The following OSBPL6 variants were observed in gnomAD, a reference collection of about 807,000 sequenced individuals.
The protein encoded by OSBPL6 is oxysterol binding protein like 6, also known as oxysterol-binding protein-related protein 6.
In OSBPL6, 49 loss-of-function variants were observed where a neutral mutation model predicts 125.8. That is an observed-to-expected ratio of 0.39 (90% confidence interval 0.31 to 0.49). The LOEUF is 0.49. OSBPL6 is among the 20% of genes least tolerant of loss of function. The pLI is 0.88. For missense variants in OSBPL6, 986 were observed against 1,135.4 expected, an observed-to-expected ratio of 0.87 and a Z score of 1.89; for synonymous variants, 394 against 391.8, an observed-to-expected ratio of 1.01 and a Z score of -0.07.
chr2:178,328,454 A>G (rs999813976), intron 5 of OSBPL6, 76 bp downstream of exon 5: 1 of 1,554,158 alleles, frequency 6.4e-7, no homozygotes, highest in Admixed American at 2.0e-5. Flanking sequence ...ATGGGGTGGG[A>G]AACTAAGAAT....
chr2:178,242,659 G>T (rs1054379444), intron 1 of OSBPL6, among the ~76,000 whole-genome samples: 1 of 152,166 alleles, frequency 6.6e-6, no homozygotes, highest in Non-Finnish European at 1.5e-5. Context: ...TGAATTAAGA[G>T]TCCCTTATAA....
chr2:178,302,040 C>A (rs1434738208), intron 2 of OSBPL6, among the ~76,000 whole-genome samples: 2 of 152,164 alleles, frequency 1.3e-5, no homozygotes. Context: ...GGTCCCCAAT[C>A]TTAAGTGTTT....
chr2:178,342,430 CT>C (rs1382319753), intron 11 of OSBPL6, among the ~76,000 whole-genome samples: 1 of 152,040 alleles, frequency 6.6e-6, no homozygotes, highest in African/African-American at 2.4e-5. Flanking sequence ...ACATGTTATA[CT>C]GGATGTTTGA....
chr2:178,310,519 G>A (rs1297465889), intron 3 of OSBPL6, among the ~76,000 whole-genome samples: 2 of 142,666 alleles, frequency 1.4e-5, no homozygotes, highest in East Asian at 2.2e-4. Flanking sequence ...CTGGGTTCAC[G>A]CCATTCTCCC....
At chr2:178,269,163 C>T (rs909178855) in intron 1 of OSBPL6, among the ~76,000 whole-genome samples, 1 of 152,142 alleles carries the variant, frequency 6.6e-6, no homozygotes, top group Non-Finnish European at 1.5e-5. Flanking sequence ...GAGGAACAGC[C>T]AGACAGAAGA....
chr2:178,234,766 A>G (rs193271821), intron 1 of OSBPL6, among the ~76,000 whole-genome samples: 1 of 152,290 alleles, frequency 6.6e-6, no homozygotes, highest in East Asian at 1.9e-4. Context: ...TCCAGACAGT[A>G]CCTGCTTTTG....
At chr2:178,229,240 T>C (rs2090709301) in intron 1 of OSBPL6, among the ~76,000 whole-genome samples, 1 of 152,184 alleles carries the variant, frequency 6.6e-6, no homozygotes. Flanking sequence ...ACTGCCACAA[T>C]GGGGACCAAA....
At chr2:178,241,470 C>A (rs2091290524) in intron 1 of OSBPL6, among the ~76,000 whole-genome samples, 1 of 148,306 alleles carries the variant, frequency 6.7e-6, no homozygotes, top group Non-Finnish European at 1.5e-5. Context: ...GGCTGGAGTG[C>A]AGTGGTGTGA....
At position 178,401,365 on chromosome 2, in the gene OSBPL6, C is replaced by T. The variant is rs1331383309; in HGVS notation, c.*5806C>T. 1 of 152,184 alleles carries T rather than the reference C, an allele frequency of 6.6e-6. No homozygotes were observed. The highest frequency in any genetic ancestry group is 2.4e-5 in the African/African-American group (1 of 41,416). The allele number at this position is 152,184 out of a possible 1,614,324, so 9.4% of individuals were successfully genotyped here. A position where few individuals can be genotyped will look rare whatever the true frequency, so the allele number is the denominator to read the frequency against. ...TTCTGCTAATATCCTCTCTCCCCAT[C>T]TGGAAACAAAGTTACTAAACCTAGT... On this transcript the variant is annotated 3_prime_UTR_variant, in exon 25 of 25. Transcript: ENST00000190611.
At chr2:178,245,651 C>T (rs1320540898) in intron 1 of OSBPL6, among the ~76,000 whole-genome samples, 1 of 152,196 alleles carries the variant, frequency 6.6e-6, no homozygotes, top group Non-Finnish European at 1.5e-5. Context: ...TAACTTAATG[C>T]TGTGTTGACT....
At chr2:178,263,150 G>T (rs147248636) in intron 1 of OSBPL6, among the ~76,000 whole-genome samples, 129 of 152,316 alleles carry the variant, frequency 8.5e-4, no homozygotes, top group African/African-American at 2.9e-3. Context: ...CAGGAACAGG[G>T]TGTTAGTATG....
In OSBPL6 at chr2:178,363,080, A is replaced by G. The variant is rs529717678; in HGVS notation, c.1287+1265A>G. 2.6e-5 allele frequency among the ~76,000 whole-genome samples: 4 copies of G among 152,350 alleles called. No individual in the cohort carries two copies. In the East Asian group the frequency reaches 5.8e-4, roughly 22 times the overall value. Reference sequence around the variant, plus strand: ...CATTCAAATGTCATCTTGTAAACATATAAAATACATTCTTGTCCCCCTAAG... The same window carrying G: ...CATTCAAATGTCATCTTGTAAACATGTAAAATACATTCTTGTCCCCCTAAG... On this transcript the variant is annotated intron_variant, in intron 13 of 24. Coordinates refer to ENST00000190611, the MANE Select transcript of OSBPL6 (RefSeq NM_032523.4).
chr2:178,283,971 C>G (rs1684460607), intron 1 of OSBPL6, among the ~76,000 whole-genome samples: 1 of 152,214 alleles, frequency 6.6e-6, no homozygotes, highest in Non-Finnish European at 1.5e-5. Context: ...CCAGGCCTCA[C>G]CTTCACCACC....
At chr2:178,283,903 T>C (rs529905521) in intron 1 of OSBPL6, among the ~76,000 whole-genome samples, 1 of 152,272 alleles carries the variant, frequency 6.6e-6, no homozygotes, top group East Asian at 1.9e-4. Flanking sequence ...AATTCACCCC[T>C]CAGAATGGTA....
chr2:178,292,134 C>T (rs776321341), intron 2 of OSBPL6, among the ~76,000 whole-genome samples: 6 of 151,752 alleles, frequency 4.0e-5, no homozygotes, highest in Non-Finnish European at 7.4e-5. Flanking sequence ...TTTTTTTCCC[C>T]GAAACTCAAT....
intron 5 of OSBPL6, among the ~76,000 whole-genome samples, chr2:178,328,823 T>TG (rs1409970423): frequency 6.6e-6 from 1 of 152,026 alleles, no homozygotes; most frequent in Non-Finnish European, 1.5e-5. Flanking sequence ...TTTAACCACA[T>TG]GGGTTGTAGT....
intron 1 of OSBPL6, among the ~76,000 whole-genome samples, chr2:178,255,036 G>A (rs2091835563): frequency 6.6e-6 from 1 of 152,222 alleles, no homozygotes; most frequent in Non-Finnish European, 1.5e-5. Context: ...AGGAGCGGTG[G>A]CTCAGGCCTG....
At chr2:178,284,161 A>G (rs1364550273) in intron 1 of OSBPL6, among the ~76,000 whole-genome samples, 5 of 152,170 alleles carry the variant, frequency 3.3e-5, no homozygotes, top group Admixed American at 6.6e-5. Context: ...GTTCTCTTCT[A>G]CAGCAAATTA....
At chr2:178,214,251 G>A (rs1423584506) in intron 1 of OSBPL6, among the ~76,000 whole-genome samples, 1 of 152,148 alleles carries the variant, frequency 6.6e-6, no homozygotes, top group Non-Finnish European at 1.5e-5. Context: ...CTAGGAGCCT[G>A]ACTACTTCCC....
Sources: gnomAD v4.1 joint callset for allele counts (sites outside exome capture counted in the v4.1 genomes callset) on GRCh38, gnomAD v4.1.1 for gene constraint, MANE v1.5 for transcripts, NCBI Gene and HGNC (gene_info 2026-07-23, HGNC 2026-07-21) for gene names.